Variants in MDGA2 observed in about 807,000 individuals in gnomAD.
MDGA2 encodes the protein MAM domain containing glycosylphosphatidylinositol anchor 2.
Under a neutral mutation model 117.8 loss-of-function variants are expected in MDGA2, and 40 were observed. The observed-to-expected ratio is 0.34, with a 90% CI of 0.26 to 0.44. MDGA2 has a LOEUF of 0.44. Ranked by LOEUF, MDGA2 falls within the 20% of genes least tolerant of loss-of-function variation. The pLI, the probability that MDGA2 is intolerant of heterozygous loss-of-function variation, is 1.00. For synonymous variants in MDGA2, 452 were observed against 439.0 expected (o/e 1.03, Z -0.37); for missense variants, 1,123 against 1,250.6 (o/e 0.90, Z 1.54).
chr14:47,125,082 G>T (rs1197246060), intron 5 of MDGA2, among the ~76,000 whole-genome samples: 1 of 152,040 alleles, frequency 6.6e-6, no homozygotes, highest in East Asian at 1.9e-4. Flanking sequence ...TCTAATAAAT[G>T]ATTCTCTTGA....
chr14:47,558,225 T>C (rs1357529714), intron 1 of MDGA2, among the ~76,000 whole-genome samples: 2 of 152,186 alleles, frequency 1.3e-5, no homozygotes, highest in African/African-American at 4.8e-5. Flanking sequence ...AAAATAACAT[T>C]ACTCTTCAAA....
chr14:46,923,257 A>T (rs1197139557), intron 9 of MDGA2, among the ~76,000 whole-genome samples: 3 of 152,084 alleles, frequency 2.0e-5, no homozygotes, highest in Admixed American at 2.0e-4. Flanking sequence ...TTTCCAATGT[A>T]TTTTTTTAAA....
intron 6 of MDGA2, among the ~76,000 whole-genome samples, chr14:47,086,166 T>C (rs1012602545): frequency 4.6e-5 from 7 of 151,394 alleles, no homozygotes; most frequent in East Asian, 1.9e-4. Flanking sequence ...TCTTAACAGA[T>C]TGTTTTGGCT....
At chr14:47,120,148 A>C (rs78989825) in intron 5 of MDGA2, among the ~76,000 whole-genome samples, 3,295 of 152,316 alleles carry the variant, frequency 0.022, 42 homozygotes, top group Non-Finnish European at 0.033. Context: ...AAATCAAAGA[A>C]AAGACTTTAA....
intron 1 of MDGA2, among the ~76,000 whole-genome samples, chr14:47,537,069 GA>G (rs1566504037): frequency 6.6e-6 from 1 of 151,876 alleles, no homozygotes; most frequent in Non-Finnish European, 1.5e-5. Flanking sequence ...AATCCATGAA[GA>G]AAAAAAGACT....
At chr14:47,416,944 G>A (rs1477260029) in intron 1 of MDGA2, among the ~76,000 whole-genome samples, 4 of 152,172 alleles carry the variant, frequency 2.6e-5, no homozygotes, top group Non-Finnish European at 5.9e-5. Context: ...AGGTCAGAAG[G>A]AAGAGAGGAG....
chr14:47,319,217 C>G (rs574292750), intron 1 of MDGA2, among the ~76,000 whole-genome samples: 3 of 152,248 alleles, frequency 2.0e-5, no homozygotes, highest in African/African-American at 7.2e-5. Flanking sequence ...AGTAGACTAT[C>G]TGCTTTATGT....
At chr14:47,018,587 G>C (rs1312039827) in intron 8 of MDGA2, among the ~76,000 whole-genome samples, 1 of 151,798 alleles carries the variant, frequency 6.6e-6, no homozygotes, top group Non-Finnish European at 1.5e-5. Context: ...AATTGCTAAA[G>C]GATGATAGCA....
intron 1 of MDGA2, among the ~76,000 whole-genome samples, chr14:47,331,526 C>CGCA (rs139332833): frequency 0.09 from 13,640 of 151,820 alleles, 748 homozygotes; most frequent in Non-Finnish European, 0.11. Flanking sequence ...CTTCTGTTGA[C>CGCA]GCAGATTCTT....
intron 1 of MDGA2, among the ~76,000 whole-genome samples, chr14:47,356,237 T>C (rs1047271824): frequency 1.3e-5 from 2 of 152,212 alleles, no homozygotes; most frequent in Non-Finnish European, 2.9e-5. Flanking sequence ...AAGGCTCATA[T>C]AACTAAAATG....
intron 2 of MDGA2, among the ~76,000 whole-genome samples, chr14:47,220,143 AATAC>A (rs1467586710): frequency 3.3e-5 from 5 of 152,196 alleles, no homozygotes; most frequent in Non-Finnish European, 5.9e-5. Context: ...TTAAGAAATA[AATAC>A]TGAAATAAAA....
At chr14:47,342,316 ATATT>A (rs1218015304) in intron 1 of MDGA2, among the ~76,000 whole-genome samples, 2 of 148,410 alleles carry the variant, frequency 1.3e-5, no homozygotes, top group Non-Finnish European at 3.0e-5. Context: ...GTGTGTATAT[ATATT>A]TATATAACAT....
chr14:46,882,616 T>C (rs1419297443), intron 10 of MDGA2, among the ~76,000 whole-genome samples: 2 of 151,478 alleles, frequency 1.3e-5, no homozygotes, highest in South Asian at 2.1e-4. Context: ...CATATATAAC[T>C]GTTCCCATAT....
At chr14:46,990,760 T>C (rs1281365554) in intron 8 of MDGA2, among the ~76,000 whole-genome samples, 2 of 151,958 alleles carry the variant, frequency 1.3e-5, no homozygotes, top group Non-Finnish European at 2.9e-5. Context: ...AATGTTACTT[T>C]GCTGGTTATA....
intron 1 of MDGA2, among the ~76,000 whole-genome samples, chr14:47,342,000 C>G (rs934656237): frequency 6.6e-6 from 1 of 151,852 alleles, no homozygotes; most frequent in Non-Finnish European, 1.5e-5. Context: ...CCACCAGGCC[C>G]GGATAATTTT....
At chr14:47,523,434 C>T (rs146550165) in intron 1 of MDGA2, among the ~76,000 whole-genome samples, 5 of 151,942 alleles carry the variant, frequency 3.3e-5, no homozygotes, top group African/African-American at 1.2e-4. Flanking sequence ...GGAGAATGCC[C>T]TTAGTTCTAT....
At chr14:47,076,855 C>A (rs1236633476) in intron 6 of MDGA2, among the ~76,000 whole-genome samples, 1 of 152,030 alleles carries the variant, frequency 6.6e-6, no homozygotes, top group Admixed American at 6.6e-5. Context: ...TTTATTTCAT[C>A]ATTATTATTC....
intron 1 of MDGA2, among the ~76,000 whole-genome samples, chr14:47,544,804 G>A (rs190437059): frequency 3.3e-5 from 5 of 152,228 alleles, no homozygotes; most frequent in Non-Finnish European, 7.4e-5. Flanking sequence ...GATCAAACCT[G>A]TAGATACCAT....
At chr14:47,420,079 G>A (rs1284146464) in intron 1 of MDGA2, among the ~76,000 whole-genome samples, 1 of 152,036 alleles carries the variant, frequency 6.6e-6, no homozygotes, top group Admixed American at 6.6e-5. Context: ...TTGGATGGAA[G>A]GAATATGCAC....
Sources: allele counts gnomAD v4.1 joint callset (sites outside exome capture counted in the v4.1 genomes callset), GRCh38; gene constraint gnomAD v4.1.1; transcripts MANE v1.5; gene names NCBI Gene and HGNC (gene_info 2026-07-23, HGNC 2026-07-21).